Variants in ADGRB3 observed in about 807,000 individuals in gnomAD.
ADGRB3 encodes the protein brain-specific angiogenesis inhibitor 3.
In ADGRB3, 37 loss-of-function variants were observed where a neutral mutation model predicts 193.4. The ratio of observed to expected loss-of-function variants is 0.19; its 90% CI spans 0.15 to 0.25. The LOEUF (loss-of-function observed/expected upper bound fraction) is 0.25. Among genes scored for constraint, ADGRB3 ranks in the 10% least tolerant of loss-of-function variants. ADGRB3 has a pLI of 1.00. For missense variants in ADGRB3, 1,637 were observed against 1,852.9 expected (o/e 0.88, Z 2.14); for synonymous variants, 690 against 644.2 (o/e 1.07, Z -1.08).
At chr6:69,280,663 C>A (rs1237340205) in intron 20 of ADGRB3, among the ~76,000 whole-genome samples, 1 of 152,132 alleles carries the variant, frequency 6.6e-6, no homozygotes, top group Non-Finnish European at 1.5e-5. Context: ...CAAATATTTT[C>A]TTTTATTTCT....
intron 3 of ADGRB3, among the ~76,000 whole-genome samples, chr6:68,863,698 T>TA (rs1765217642): frequency 6.6e-6 from 1 of 151,910 alleles, no homozygotes; most frequent in Non-Finnish European, 1.5e-5. Flanking sequence ...TTAGACTACT[T>TA]AGAGAATGGC....
intron 3 of ADGRB3, among the ~76,000 whole-genome samples, chr6:68,649,605 G>A (rs1047596530): frequency 3.9e-5 from 6 of 152,126 alleles, no homozygotes; most frequent in Non-Finnish European, 1.5e-5. Flanking sequence ...TAAATTTAAA[G>A]AGCATGTATT....
At chr6:68,767,713 A>C (rs1039665594) in intron 3 of ADGRB3, among the ~76,000 whole-genome samples, 1 of 152,160 alleles carries the variant, frequency 6.6e-6, no homozygotes, top group Non-Finnish European at 1.5e-5. Flanking sequence ...AGAGAAAGAA[A>C]TAAAGGGTCT....
At chr6:68,961,064 G>T (rs1768218037) in intron 8 of ADGRB3, among the ~76,000 whole-genome samples, 1 of 152,058 alleles carries the variant, frequency 6.6e-6, no homozygotes, top group Non-Finnish European at 1.5e-5. Flanking sequence ...AACGATGAGG[G>T]ATTCTTTCTG....
At chr6:68,794,752 G>C (rs1053728643) in intron 3 of ADGRB3, among the ~76,000 whole-genome samples, 26 of 152,034 alleles carry the variant, frequency 1.7e-4, no homozygotes, top group African/African-American at 6.3e-4. Flanking sequence ...TCTTTTCTGA[G>C]AGATTGGTAT....
chr6:69,295,456 G>T (rs1294412900), intron 20 of ADGRB3, among the ~76,000 whole-genome samples: 1 of 152,100 alleles, frequency 6.6e-6, no homozygotes, highest in Non-Finnish European at 1.5e-5. Context: ...AATTCAGGAA[G>T]AGCAGCTGAA....
At chr6:68,915,645 T>C (rs544701364) in intron 3 of ADGRB3, among the ~76,000 whole-genome samples, 1 of 152,252 alleles carries the variant, frequency 6.6e-6, no homozygotes, top group South Asian at 2.1e-4. Flanking sequence ...AATCCAACTA[T>C]AGAAAGTCTG....
chr6:68,863,149 C>T (rs923842961), intron 3 of ADGRB3, among the ~76,000 whole-genome samples: 3 of 152,074 alleles, frequency 2.0e-5, no homozygotes, highest in Admixed American at 2.0e-4. Flanking sequence ...TCTCATAAGA[C>T]ATTCTATATG....
intron 17 of ADGRB3, among the ~76,000 whole-genome samples, chr6:69,210,406 A>G (rs1340424574): frequency 6.6e-6 from 1 of 151,786 alleles, no homozygotes; most frequent in Admixed American, 6.6e-5. Flanking sequence ...AACTGATTAG[A>G]CTGTGCCTAT....
chr6:68,895,516 C>T (rs1476467935), intron 3 of ADGRB3, among the ~76,000 whole-genome samples: 4 of 151,872 alleles, frequency 2.6e-5, no homozygotes, highest in Middle Eastern at 3.4e-3. Flanking sequence ...TTGTCATATG[C>T]TCTGATTAAA....
intron 3 of ADGRB3, among the ~76,000 whole-genome samples, chr6:68,871,404 A>C (rs937401310): frequency 3.3e-5 from 5 of 152,168 alleles, no homozygotes; most frequent in African/African-American, 1.2e-4. Flanking sequence ...AGGCAAATTT[A>C]ATGGTCTCGT....
intron 3 of ADGRB3, among the ~76,000 whole-genome samples, chr6:68,706,654 G>A (rs2127312967): frequency 6.6e-6 from 1 of 152,292 alleles, no homozygotes; most frequent in South Asian, 2.1e-4. Flanking sequence ...TAATGGTATT[G>A]TCTGCTGTAG....
At chr6:69,320,693 G>A (rs1768431527) in intron 20 of ADGRB3, among the ~76,000 whole-genome samples, 2 of 151,608 alleles carry the variant, frequency 1.3e-5, no homozygotes, top group South Asian at 4.1e-4. Context: ...TGCTTGCAAA[G>A]AACCTGATGT....
At chr6:68,741,314 C>G (rs1050144273) in intron 3 of ADGRB3, among the ~76,000 whole-genome samples, 17 of 152,130 alleles carry the variant, frequency 1.1e-4, no homozygotes, top group Admixed American at 1.1e-3. Flanking sequence ...GGTCAAAGGT[C>G]ACATAGCTAT....
chr6:69,365,064 G>A (rs1437851655), intron 29 of ADGRB3, among the ~76,000 whole-genome samples: 1 of 152,084 alleles, frequency 6.6e-6, no homozygotes, highest in Non-Finnish European at 1.5e-5. Flanking sequence ...GGTTGTAGAA[G>A]TTAGATTTAA....
At chr6:68,960,352 C>G (rs1380135570) in intron 8 of ADGRB3, among the ~76,000 whole-genome samples, 4 of 151,962 alleles carry the variant, frequency 2.6e-5, no homozygotes, top group Admixed American at 2.6e-4. Context: ...CAACTTAGAC[C>G]AGAAATGTAG....
chr6:69,308,756 A>T (rs1768118276), intron 20 of ADGRB3, among the ~76,000 whole-genome samples: 1 of 151,590 alleles, frequency 6.6e-6, no homozygotes, highest in South Asian at 2.1e-4. Flanking sequence ...TTTTTCTGCC[A>T]TACTAAATTT....
At chr6:68,949,370 G>A (rs1328110440) in intron 6 of ADGRB3, among the ~76,000 whole-genome samples, 1 of 151,744 alleles carries the variant, frequency 6.6e-6, no homozygotes, top group African/African-American at 2.4e-5. Flanking sequence ...GCAGATTCCA[G>A]ATATATTTCC....
chr6:68,818,801 G>A (rs924804347), intron 3 of ADGRB3, among the ~76,000 whole-genome samples: 5 of 152,006 alleles, frequency 3.3e-5, no homozygotes, highest in African/African-American at 1.2e-4. Flanking sequence ...ATTCAAGGAC[G>A]AGAAAGCAAC....
Sources: gnomAD v4.1 joint callset for allele counts (sites outside exome capture counted in the v4.1 genomes callset) on GRCh38, gnomAD v4.1.1 for gene constraint, MANE v1.5 for transcripts, NCBI Gene and HGNC (gene_info 2026-07-23, HGNC 2026-07-21) for gene names.